IQUB: variants seen among roughly 807,000 people sequenced by gnomAD.
IQUB encodes IQ motif and ubiquitin-like domain-containing protein.
Under a neutral mutation model 86.4 loss-of-function variants are expected in IQUB, and 86 were observed. The observed-to-expected ratio is 1.00, with a 90% CI of 0.84 to 1.19. The LOEUF is 1.19. Ranked by LOEUF, IQUB falls within the 50% of genes most tolerant of loss-of-function variation. The probability of loss-of-function intolerance (pLI) is 0.00; values close to 1 mark genes in which losing one functional copy is unlikely to be tolerated. For missense variants in IQUB, 946 were observed against 916.9 expected, an observed-to-expected ratio of 1.03 and a Z score of -0.41; for synonymous variants, 289 against 304.5, an observed-to-expected ratio of 0.95 and a Z score of 0.53.
At position 123,457,562 on chromosome 7, in the gene IQUB, T is replaced by C. The variant is rs992550013; in HGVS notation, c.2012A>G (p.Gln671Arg). 1 of 1,599,086 alleles carries C rather than the reference T, an allele frequency of 6.3e-7. No individual in the cohort carries two copies. The highest frequency in any genetic ancestry group is 8.5e-7 in the Non-Finnish European group (1 of 1,175,048). Residue 671 changes from glutamine to arginine, a missense_variant, in exon 12 of 13, where the codon CAA becomes CGA. Coordinates refer to ENST00000324698, the MANE Select transcript of IQUB (RefSeq NM_178827.5). ...DSKIAFLMQL[Q>R]DIQYLTENIW... ...GTTCTCTGTCAGGTACTGAATGTCT[T>C]GTAGCTGCATGTCAAAGCAAGTTTT...
chr7:123,456,162 C>T (rs544575230), intron 12 of IQUB, among the ~76,000 whole-genome samples: 22 of 152,000 alleles, frequency 1.4e-4, no homozygotes, highest in African/African-American at 4.6e-4. Context: ...TACAGAAATT[C>T]GATAAGACTG....
chr7:123,522,847 TC>T (rs371310000), intron 1 of IQUB, among the ~76,000 whole-genome samples: 4 of 89,950 alleles, frequency 4.4e-5, no homozygotes, highest in East Asian at 3.8e-4. Context: ...ATGCTATCCC[TC>T]CCCCCTCCCC....
At chr7:123,462,880 T>C (rs1463012404) in intron 10 of IQUB, 1 of 454,006 alleles carries the variant, frequency 2.2e-6, no homozygotes, top group Non-Finnish European at 4.4e-6. Flanking sequence ...ATGATTATGA[T>C]GACAGAGGGC....
chr7:123,496,622 G>C (rs1795715974), intron 7 of IQUB, 74 bp downstream of exon 7: 1 of 877,692 alleles, frequency 1.1e-6, no homozygotes, highest in Non-Finnish European at 1.7e-6. Flanking sequence ...CCTTCCTTTT[G>C]TCTGCAGTAA....
At chr7:123,507,221 T>C (rs1373264467) in intron 3 of IQUB, among the ~76,000 whole-genome samples, 1 of 152,220 alleles carries the variant, frequency 6.6e-6, no homozygotes, top group Non-Finnish European at 1.5e-5. Context: ...CACACACATT[T>C]AGTAGAAACC....
Position 123,469,333 on chromosome 7 carries a change from C to T in IQUB, c.1462G>A (p.Asp488Asn), listed in dbSNP as rs767950281. ...RTPNGKTIEM[D>N]TQFTIRAREL... ...CTGGCTCTGATGGTGAACTGCGTAT[C>T]CATCTCAATTGTTTTGCCATTAGGG... is the stretch of plus-strand genomic sequence containing the variant. The change falls in exon 9 of 13, where the codon GAT (aspartate) becomes AAT (asparagine). Residue 488 changes from aspartate to asparagine, a missense_variant. By Grantham distance (23) the Asp-to-Asn change is conservative. Coordinates refer to ENST00000324698, the MANE Select transcript of IQUB (RefSeq NM_178827.5). 3 of 1,607,896 alleles carry T rather than the reference C, an allele frequency of 1.9e-6. No individual in the cohort carries two copies. The highest frequency in any genetic ancestry group is 2.2e-5 in the South Asian group (2 of 89,910).
At chr7:123,488,080 T>C (rs1795283515) in intron 7 of IQUB, among the ~76,000 whole-genome samples, 1 of 151,778 alleles carries the variant, frequency 6.6e-6, no homozygotes, top group African/African-American at 2.4e-5. Flanking sequence ...GCTCAGTGGC[T>C]CATGTCTGTA....
chr7:123,505,258 G>T (rs1056702987), intron 3 of IQUB, among the ~76,000 whole-genome samples: 1 of 152,202 alleles, frequency 6.6e-6, no homozygotes, highest in African/African-American at 2.4e-5. Flanking sequence ...TTTGCCAGGT[G>T]CACAGTACAA....
intron 9 of IQUB, 68 bp from the exon 10 acceptor site, chr7:123,465,077 C>T (rs1227307725): frequency 1.1e-6 from 1 of 934,948 alleles, no homozygotes; most frequent in Non-Finnish European, 1.7e-6. Context: ...CAAATTGCCA[C>T]CAAAACAAAC....
chr7:123,511,939 A>G lies in IQUB; in HGVS notation c.397+5T>C. 4.4e-6 allele frequency: 7 copies of G among 1,587,184 alleles called. No individual in the cohort carries two copies. Among genetic ancestry groups the G allele is most frequent in the Non-Finnish European group, 6.0e-6 (7 of 1,160,642 alleles). On this transcript the variant is annotated splice_donor_5th_base_variant and intron_variant, in intron 2 of 12. Coordinates refer to ENST00000324698, the MANE Select transcript of IQUB (RefSeq NM_178827.5). ...ATGAAATAGCCTATCTTCCTTAGGT[A>G]GTACCTGTTGCTAGAGAATCTTCCA...
intron 1 of IQUB, chr7:123,532,780 A>G (rs1310304816): frequency 6.6e-6 from 1 of 152,032 alleles, no homozygotes; most frequent in African/African-American, 2.4e-5. Flanking sequence ...CCTCCTGAAG[A>G]CACCTAACCT....
At position 123,463,825 on chromosome 7, in the gene IQUB, C is replaced by A. The variant is rs182594034; in HGVS notation, c.1758+1008G>T. On this transcript the variant is annotated intron_variant, in intron 10 of 12. Coordinates refer to ENST00000324698, the MANE Select transcript of IQUB (RefSeq NM_178827.5). ...AACATTATGTAAAATTGTAGAAACT[C>A]TATCAATTGTATTACTCCAAATATA... 1.3e-4 allele frequency among the ~76,000 whole-genome samples: 19 copies of A among 151,706 alleles called. No individual in the cohort carries two copies. In the East Asian group the frequency reaches 3.7e-3, roughly 29 times the overall value.
intron 7 of IQUB, among the ~76,000 whole-genome samples, chr7:123,485,952 C>T (rs778442758): frequency 2.6e-5 from 4 of 152,134 alleles, no homozygotes; most frequent in Non-Finnish European, 5.9e-5. Context: ...AGATAAGAGT[C>T]ATTCAGGCAA....
At chr7:123,463,760 T>G (rs1460941644) in intron 10 of IQUB, among the ~76,000 whole-genome samples, 1 of 151,676 alleles carries the variant, frequency 6.6e-6, no homozygotes, top group Non-Finnish European at 1.5e-5. Context: ...AAAGAGTAAA[T>G]TTTACCAAAG....
At chr7:123,477,371 A>G (rs541128262) in intron 8 of IQUB, among the ~76,000 whole-genome samples, 1 of 152,330 alleles carries the variant, frequency 6.6e-6, no homozygotes, top group East Asian at 1.9e-4. Context: ...GGTGCTGGGA[A>G]AACTGGCTAG....
At chr7:123,452,992 A>G (rs558412892) in intron 12 of IQUB, 67 bp from the exon 13 acceptor site, 1 of 1,200,920 alleles carries the variant, frequency 8.3e-7, no homozygotes, top group Admixed American at 2.3e-5. Context: ...AAATACTGTC[A>G]TGCCTCGGTG....
chr7:123,527,193 G>A (rs1002380762), intron 1 of IQUB, among the ~76,000 whole-genome samples: 1 of 151,938 alleles, frequency 6.6e-6, no homozygotes, highest in Non-Finnish European at 1.5e-5. Context: ...TTTCTTTATT[G>A]GTTATTGTAG....
chr7:123,478,705 T>A (rs991245246), intron 8 of IQUB, among the ~76,000 whole-genome samples: 2 of 152,064 alleles, frequency 1.3e-5, no homozygotes, highest in East Asian at 1.9e-4. Flanking sequence ...GGTGGCTAGA[T>A]GGAGAAGTCA....
intron 7 of IQUB, among the ~76,000 whole-genome samples, chr7:123,488,380 C>A (rs1295502610): frequency 2.0e-5 from 3 of 150,102 alleles, no homozygotes; most frequent in African/African-American, 7.3e-5. Flanking sequence ...GCTGAGCTCA[C>A]AAGAAAGTAC....
Sources: gnomAD v4.1 joint callset for allele counts (sites outside exome capture counted in the v4.1 genomes callset) on GRCh38, gnomAD v4.1.1 for gene constraint, MANE v1.5 for transcripts, NCBI Gene and HGNC (gene_info 2026-07-23, HGNC 2026-07-21) for gene names.